The following ACTR3C variants were observed in gnomAD, a reference collection of about 807,000 sequenced individuals.
The protein encoded by ACTR3C is actin-related protein 3C.
ACTR3C carries 18 observed loss-of-function variants against 26.3 expected under a neutral mutation model. The ratio of observed to expected loss-of-function variants is 0.68; its 90% CI spans 0.47 to 1.01. ACTR3C has a LOEUF of 1.01. Among genes scored for constraint, ACTR3C ranks in the 50% least tolerant of loss-of-function variants. The pLI, the probability that ACTR3C is intolerant of heterozygous loss-of-function variation, is 0.00. For synonymous variants in ACTR3C, 55 were observed against 94.5 expected, an observed-to-expected ratio of 0.58 and a Z score of 2.42; for missense variants, 184 against 250.7, an observed-to-expected ratio of 0.73 and a Z score of 1.80.
chr7:150,273,163 C>T (rs1442135794), intron 6 of ACTR3C, among the ~76,000 whole-genome samples: 24 of 150,250 alleles, frequency 1.6e-4, no homozygotes, highest in Non-Finnish European at 2.6e-4. Context: ...CTCTCATCAG[C>T]GAATCTAGCA....
the ACTR3C span, among the ~76,000 whole-genome samples, chr7:150,189,284 A>G: frequency 1.3e-5 from 2 of 152,180 alleles, no homozygotes; most frequent in African/African-American, 4.8e-5. Context: ...ATGCTTTTAA[A>G]GTAACTGGTT....
the ACTR3C span, among the ~76,000 whole-genome samples, chr7:149,982,583 T>C: frequency 6.6e-6 from 1 of 152,110 alleles, no homozygotes; most frequent in African/African-American, 2.4e-5. Flanking sequence ...AGCCAGTGCA[T>C]GACAGGGCCA....
the ACTR3C span, among the ~76,000 whole-genome samples, chr7:150,221,878 G>A: frequency 1.3e-5 from 2 of 151,788 alleles, no homozygotes; most frequent in Middle Eastern, 3.4e-3. Context: ...GGTGCCGGTA[G>A]TCCTAGCTAC....
intron 5 of ACTR3C, among the ~76,000 whole-genome samples, chr7:150,285,562 AC>A (rs779259982): frequency 7.2e-5 from 11 of 152,202 alleles, no homozygotes; most frequent in Non-Finnish European, 1.5e-4. Flanking sequence ...TCAAATCAAT[AC>A]TATTAAAAGT....
At chr7:149,899,592 C>T in the ACTR3C span, among the ~76,000 whole-genome samples, 1 of 129,018 alleles carries the variant, frequency 7.8e-6, no homozygotes, top group Non-Finnish European at 1.7e-5. Flanking sequence ...AGAAAATAGA[C>T]TGGAAGAAGT....
chr7:149,928,470 C>A, the ACTR3C span, among the ~76,000 whole-genome samples: 25 of 149,938 alleles, frequency 1.7e-4, no homozygotes, highest in South Asian at 5.1e-3. Flanking sequence ...TCCACCTCCT[C>A]GGCCTCCCAA....
the ACTR3C span, among the ~76,000 whole-genome samples, chr7:150,153,063 A>G: frequency 1.3e-5 from 2 of 152,154 alleles, no homozygotes; most frequent in African/African-American, 2.4e-5. Context: ...CGGTCTATCA[A>G]TTTTGTTGGT....
At chr7:149,893,820 T>C in the ACTR3C span, among the ~76,000 whole-genome samples, 2 of 152,246 alleles carry the variant, frequency 1.3e-5, no homozygotes, top group Non-Finnish European at 2.9e-5. Flanking sequence ...AAGTGCTAGA[T>C]AAAATTTCTC....
At chr7:150,094,008 A>G in the ACTR3C span, among the ~76,000 whole-genome samples, 4 of 150,396 alleles carry the variant, frequency 2.7e-5, no homozygotes, top group African/African-American at 7.5e-5. Context: ...TCTGGTGAGG[A>G]GAGGAAGCAG....
chr7:150,322,940 C>A (rs570793844), intron 1 of ACTR3C: 2 of 152,372 alleles, frequency 1.3e-5, no homozygotes, highest in South Asian at 2.0e-4. Flanking sequence ...CACGTGCGGA[C>A]GAGGTCCGGG....
At chr7:150,040,418 T>A in the ACTR3C span, 1 of 146,760 alleles carries the variant, frequency 6.8e-6, no homozygotes, top group Non-Finnish European at 1.5e-5. Context: ...ATGAAAGACT[T>A]GCTGTTGTCG....
At chr7:150,025,752 C>G in the ACTR3C span, among the ~76,000 whole-genome samples, 2 of 152,100 alleles carry the variant, frequency 1.3e-5, no homozygotes, top group African/African-American at 4.8e-5. Context: ...TGGGTACAAC[C>G]GGCTTATTGC....
At chr7:149,936,457 T>C in the ACTR3C span, among the ~76,000 whole-genome samples, 147,539 of 152,304 alleles carry the variant, frequency 0.97, 71,565 homozygotes, top group East Asian at 1. Context: ...CCCATCCTGC[T>C]CATTTTAGCA....
the ACTR3C span, among the ~76,000 whole-genome samples, chr7:150,016,642 C>T: frequency 2.6e-5 from 4 of 152,060 alleles, no homozygotes; most frequent in African/African-American, 9.7e-5. Flanking sequence ...GTGAGGTTTA[C>T]CTTGTGTTCC....
the ACTR3C span, among the ~76,000 whole-genome samples, chr7:149,938,927 A>G: frequency 8.4e-5 from 11 of 130,946 alleles, no homozygotes; most frequent in Admixed American, 1.7e-4. Context: ...ATAAATATAT[A>G]TGTATATATA....
At chr7:150,224,412 G>C in the ACTR3C span, among the ~76,000 whole-genome samples, 1 of 152,190 alleles carries the variant, frequency 6.6e-6, no homozygotes, top group Non-Finnish European at 1.5e-5. Flanking sequence ...GTGTGAAGGA[G>C]GCTCCTCTGG....
At chr7:149,911,913 G>C in the ACTR3C span, among the ~76,000 whole-genome samples, 8 of 151,490 alleles carry the variant, frequency 5.3e-5, no homozygotes, top group East Asian at 1.6e-3. Flanking sequence ...AATAGACTGA[G>C]GCAAGAGGAC....
At chr7:150,143,636 T>C in the ACTR3C span, among the ~76,000 whole-genome samples, 528 of 152,108 alleles carry the variant, frequency 3.5e-3, no homozygotes, top group African/African-American at 0.012. Context: ...TTCCTGATAT[T>C]CTGGAAAAGG....
the ACTR3C span, among the ~76,000 whole-genome samples, chr7:150,120,084 A>C: frequency 6.6e-6 from 1 of 152,238 alleles, no homozygotes; most frequent in Non-Finnish European, 1.5e-5. Context: ...AAGCTAAAGC[A>C]GTGTTTAGAC....
Sources: allele counts gnomAD v4.1 joint callset (sites outside exome capture counted in the v4.1 genomes callset), GRCh38; gene constraint gnomAD v4.1.1; transcripts MANE v1.5; gene names NCBI Gene and HGNC (gene_info 2026-07-23, HGNC 2026-07-21).